The following RNF20 variants were observed in gnomAD, a reference collection of about 807,000 sequenced individuals.
RNF20 encodes E3 ubiquitin-protein ligase BRE1A.
RNF20 carries 84 observed loss-of-function variants against 126.2 expected under a neutral mutation model. The ratio of observed to expected loss-of-function variants is 0.67; its 90% CI spans 0.56 to 0.80. The LOEUF is 0.80. Among genes scored for constraint, RNF20 ranks in the 30% least tolerant of loss-of-function variants. RNF20 has a pLI of 0.00. For missense variants in RNF20, 869 were observed against 1,188.2 expected (o/e 0.73, Z 3.95); for synonymous variants, 400 against 414.3 (o/e 0.97, Z 0.42).
chr9:101,551,534 A>G (rs1827444599), intron 10 of RNF20, 150 bp from the exon 11 acceptor site: 1 of 333,806 alleles, frequency 3.0e-6, no homozygotes, highest in Non-Finnish European at 4.9e-6. Flanking sequence ...ATTTTTCAGT[A>G]TCCTGTCAGT....
intron 9 of RNF20, among the ~76,000 whole-genome samples, chr9:101,547,820 G>T (rs1375120483): frequency 1.3e-5 from 2 of 152,190 alleles, no homozygotes; most frequent in Non-Finnish European, 2.9e-5. Context: ...CCTAGCCAGA[G>T]TAATTAGGCA....
chr9:101,554,586 G>T, intron 14 of RNF20, 108 bp from the exon 15 acceptor site: 1 of 874,822 alleles, frequency 1.1e-6, no homozygotes, highest in Admixed American at 2.8e-5. Flanking sequence ...CTATAATTCT[G>T]TAAAGACTCT....
chr9:101,545,189 A>C (rs1176803351), intron 6 of RNF20, among the ~76,000 whole-genome samples: 2 of 152,228 alleles, frequency 1.3e-5, no homozygotes, highest in Non-Finnish European at 1.5e-5. Context: ...CTTGGGTGCA[A>C]ATAATGCCAT....
chr9:101,557,775 A>G (rs1308876967), intron 16 of RNF20, among the ~76,000 whole-genome samples, 179 bp downstream of exon 16: 2 of 152,236 alleles, frequency 1.3e-5, no homozygotes, highest in Non-Finnish European at 2.9e-5. Context: ...TATTCCTACA[A>G]AAGAGTACAG....
At chr9:101,538,516 A>G (rs1827217778) in intron 2 of RNF20, among the ~76,000 whole-genome samples, 1 of 152,148 alleles carries the variant, frequency 6.6e-6, no homozygotes, top group Non-Finnish European at 1.5e-5. Flanking sequence ...GCAATGGAAA[A>G]TAAGGAGGAT....
intron 2 of RNF20, among the ~76,000 whole-genome samples, chr9:101,536,583 G>A (rs751629727): frequency 1.1e-4 from 17 of 152,100 alleles, no homozygotes; most frequent in Admixed American, 5.9e-4. Flanking sequence ...CATTCCAAAG[G>A]CATTTATTCA....
intron 15 of RNF20, among the ~76,000 whole-genome samples, chr9:101,556,565 A>G (rs1343341852): frequency 1.3e-5 from 2 of 152,160 alleles, no homozygotes; most frequent in East Asian, 3.9e-4. Flanking sequence ...ATATTTTAAA[A>G]AATGCATCCA....
intron 11 of RNF20, 68 bp from the exon 12 acceptor site, chr9:101,552,073 G>C: frequency 6.3e-7 from 1 of 1,598,352 alleles, no homozygotes; most frequent in Non-Finnish European, 8.6e-7. Context: ...GATGTGTTCT[G>C]TTCTTTCTCT....
chr9:101,546,411 G>T (rs1311084745), intron 6 of RNF20, among the ~76,000 whole-genome samples: 1 of 151,896 alleles, frequency 6.6e-6, no homozygotes, highest in Admixed American at 6.6e-5. Context: ...ACCTTTTGTG[G>T]GACTGTGGAG....
intron 9 of RNF20, among the ~76,000 whole-genome samples, chr9:101,548,799 G>A (rs1448670505): frequency 6.6e-6 from 1 of 152,120 alleles, no homozygotes; most frequent in East Asian, 1.9e-4. Flanking sequence ...GAGAAGTAGG[G>A]TAAACTAGGG....
rs1352977668 is a variant in RNF20 at position 101,561,861 on chromosome 9, A to G, written c.2650-49A>G. ...CTCAAGTCTATTATTTTTCTCAAAAATGATAGATTTGGGTAAGTGTGTCTA... is the reference window on the plus strand; with the variant it reads ...CTCAAGTCTATTATTTTTCTCAAAAGTGATAGATTTGGGTAAGTGTGTCTA... On this transcript the variant is annotated intron_variant, in intron 18 of 19. Coordinates refer to ENST00000389120, the MANE Select transcript of RNF20 (RefSeq NM_019592.7). 7.2e-6 allele frequency: 9 copies of G among 1,258,522 alleles called. 1 individual carries two copies. Among genetic ancestry groups the G allele is most frequent in the African/African-American group, 1.5e-5 (1 of 67,932 alleles). 78.0% of individuals were successfully genotyped at this position (1,258,522 alleles called of 1,614,324 possible).
At chr9:101,544,337 C>A (rs561783808) in intron 5 of RNF20, among the ~76,000 whole-genome samples, 1 of 152,316 alleles carries the variant, frequency 6.6e-6, no homozygotes, top group East Asian at 1.9e-4. Flanking sequence ...AAGTGATCGG[C>A]CTGCCTTGGC....
chr9:101,535,349 T>C, intron 1 of RNF20, 49 bp from the exon 2 acceptor site: 1 of 1,491,418 alleles, frequency 6.7e-7, no homozygotes, highest in Non-Finnish European at 9.1e-7. Context: ...TACTCTATTG[T>C]TGCTTTGCTT....
chr9:101,562,197 G>T, intron 19 of RNF20, 49 bp from the exon 20 acceptor site: 1 of 1,576,864 alleles, frequency 6.3e-7, no homozygotes, highest in South Asian at 1.2e-5. Context: ...GAGCCATTTG[G>T]ATCATAAACT....
Position 101,552,224 on chromosome 9 carries a change from A to G in RNF20, c.1492A>G (p.Lys498Glu). ...GCTGAAAGGGGAGGTCCTGAGATAT[A>G]AGCGGAAATTGAGAGAAGCCCAGTC... is the stretch of plus-strand genomic sequence containing the variant. The part of the protein sequence containing the change: ...HQLKGEVLRY[K>E]RKLREAQSDL... Residue 498 changes from lysine to glutamate, a missense_variant, in exon 12 of 20, where the codon AAG (lysine) becomes GAG (glutamate). By Grantham distance (56) the Lys-to-Glu change is moderately conservative. Around this residue, in one of 8 missense-constraint regions of RNF20, gnomAD observed 231 missense variants for 263.6 expected, o/e 0.88. Transcript: ENST00000389120. 1 of 1,614,218 alleles carries G rather than the reference A, an allele frequency of 6.2e-7. No homozygotes were observed. The highest frequency in any genetic ancestry group is 8.5e-7 in the Non-Finnish European group (1 of 1,180,024).
rs1827649768 is a variant in RNF20 at position 101,562,938 on chromosome 9, T to G, written c.*516T>G. 1 of 152,444 alleles carries G rather than the reference T, an allele frequency of 6.6e-6. No individual in the cohort carries two copies. The highest frequency in any genetic ancestry group is 2.1e-4 in the South Asian group (1 of 4,828). 9.4% of individuals were successfully genotyped at this position (152,444 alleles called of 1,614,324 possible). ...AATTGTGCTACTCTCCCCTGGGTGG[T>G]TTGCAGCCCTAATGAAATTATGTCT... On this transcript the variant is annotated 3_prime_UTR_variant, in exon 20 of 20. Transcript: ENST00000389120.
intron 9 of RNF20, among the ~76,000 whole-genome samples, chr9:101,549,642 C>T (rs780786918): frequency 2.6e-5 from 4 of 152,094 alleles, no homozygotes; most frequent in Admixed American, 6.5e-5. Context: ...CTTACGCTAC[C>T]GCTAGACCAC....
rs748226226 is a variant in RNF20, at chr9:101,551,778, G to A, written c.1367G>A (p.Arg456Lys). Residue 456 changes from arginine (R) to lysine (K), a missense_variant, in exon 11 of 20, where the codon AGG (arginine) becomes AAG (lysine). Physicochemically the swap from Arg to Lys is conservative, Grantham distance 26. This residue lies in a region of RNF20 where 153 missense variants were observed against 226.4 expected (regional missense o/e 0.68). Coordinates refer to ENST00000389120, the MANE Select transcript of RNF20 (RefSeq NM_019592.7). ...AQVRKEYEMLRIEFEQTLAAN... is the reference protein window; with the variant it reads ...AQVRKEYEMLKIEFEQTLAAN... ...GTCCGCAAGGAGTATGAAATGCTGA[G>A]GATAGAATTTGAGCAGACCCTTGCT... The A allele has an allele frequency of 6.2e-7, 1 of 1,613,260 alleles. No homozygotes were observed. The highest frequency in any genetic ancestry group is 1.3e-5 in the African/African-American group (1 of 74,980).
chr9:101,550,786 G>A lies in RNF20; in HGVS notation c.1272+1G>A. The A allele has an allele frequency of 6.2e-7, 1 of 1,613,840 alleles. No individual in the cohort carries two copies. The highest frequency in any genetic ancestry group is 8.5e-7 in the Non-Finnish European group (1 of 1,179,754). On this transcript the variant is annotated splice_donor_variant, in intron 10 of 19. Transcript: ENST00000389120. LOFTEE classifies it high-confidence loss of function. The stretch of plus-strand genomic sequence containing the variant: ...CCAGCACCAGGTTGAGCTTATTGAG[G>A]TAATAGCCTTGCCTTGTCTTTTGTA...
Sources: allele counts gnomAD v4.1 joint callset (sites outside exome capture counted in the v4.1 genomes callset), GRCh38; gene constraint gnomAD v4.1.1; regional missense constraint gnomAD v4.1.1; transcripts MANE v1.5; gene names NCBI Gene and HGNC (gene_info 2026-07-23, HGNC 2026-07-21).